SCHIP1: variants seen among roughly 807,000 people sequenced by gnomAD.
The protein encoded by SCHIP1 is schwannomin-interacting protein 1.
SCHIP1 carries 8 observed loss-of-function variants against 29.7 expected under a neutral mutation model. The observed-to-expected ratio is 0.27, with a 90% CI of 0.16 to 0.49. SCHIP1 has a LOEUF of 0.49. Ranked by LOEUF, SCHIP1 falls within the 20% of genes least tolerant of loss-of-function variation. SCHIP1 has a pLI of 0.99. For synonymous variants in SCHIP1, 76 were observed against 94.9 expected (o/e 0.80, Z 1.16); for missense variants, 193 against 294.6 (o/e 0.66, Z 2.52).
At chr3:159,533,702 A>G in the SCHIP1 span, among the ~76,000 whole-genome samples, 1 of 152,152 alleles carries the variant, frequency 6.6e-6, no homozygotes, top group African/African-American at 2.4e-5. Context: ...TTCCAAGGAA[A>G]CATCCAAGAC....
chr3:159,508,209 C>T, the SCHIP1 span, among the ~76,000 whole-genome samples: 8 of 152,092 alleles, frequency 5.3e-5, no homozygotes, highest in Admixed American at 6.6e-5. Flanking sequence ...GTGTATGTGT[C>T]GAGGAATTTA....
the SCHIP1 span, among the ~76,000 whole-genome samples, chr3:159,793,175 C>A: frequency 6.6e-6 from 1 of 152,086 alleles, no homozygotes; most frequent in Non-Finnish European, 1.5e-5. Context: ...GAAATCGCAT[C>A]CCCCACCATA....
the SCHIP1 span, among the ~76,000 whole-genome samples, chr3:159,767,484 G>A: frequency 6.6e-6 from 1 of 152,182 alleles, no homozygotes; most frequent in African/African-American, 2.4e-5. Flanking sequence ...AAGGAGCCGT[G>A]TGGAAGAGAA....
the SCHIP1 span, among the ~76,000 whole-genome samples, chr3:159,684,171 C>G: frequency 6.6e-6 from 1 of 152,286 alleles, no homozygotes; most frequent in South Asian, 2.1e-4. Flanking sequence ...TTCTCTTGCT[C>G]TAAAGCAGCC....
the SCHIP1 span, among the ~76,000 whole-genome samples, chr3:159,742,677 T>A: frequency 1.3e-5 from 2 of 150,398 alleles, no homozygotes; most frequent in Admixed American, 1.3e-4. Context: ...TTCTTTTTCT[T>A]TTTTTTTTGA....
At chr3:159,430,006 G>A in the SCHIP1 span, among the ~76,000 whole-genome samples, 4 of 152,138 alleles carry the variant, frequency 2.6e-5, no homozygotes, top group African/African-American at 9.7e-5. Context: ...CTGAGCAAAG[G>A]TGACTAAAGT....
At chr3:159,505,922 C>A in the SCHIP1 span, among the ~76,000 whole-genome samples, 4 of 152,278 alleles carry the variant, frequency 2.6e-5, no homozygotes, top group Admixed American at 6.5e-5. Context: ...AATAGTGCCG[C>A]AATAAACATA....
chr3:159,790,459 C>T, the SCHIP1 span, among the ~76,000 whole-genome samples: 66 of 152,212 alleles, frequency 4.3e-4, no homozygotes, highest in African/African-American at 1.5e-3. Flanking sequence ...GAAAGGCGGG[C>T]GGATCACTTG....
At chr3:159,770,425 A>AATTTTTGT in the SCHIP1 span, among the ~76,000 whole-genome samples, 1 of 152,006 alleles carries the variant, frequency 6.6e-6, no homozygotes, top group African/African-American at 2.4e-5. Flanking sequence ...ATGCCTGGCT[A>AATTTTTGT]ATTTTTGTAT....
chr3:159,647,828 G>C, the SCHIP1 span, among the ~76,000 whole-genome samples: 1 of 152,136 alleles, frequency 6.6e-6, no homozygotes, highest in African/African-American at 2.4e-5. Context: ...GTTTCTTTGG[G>C]AAGCAGAAAA....
the SCHIP1 span, among the ~76,000 whole-genome samples, chr3:159,683,323 A>T: frequency 2.0e-5 from 3 of 152,160 alleles, no homozygotes; most frequent in Non-Finnish European, 4.4e-5. Context: ...AAGTGCTGGG[A>T]TAAAAACCTG....
At chr3:159,375,666 G>A in the SCHIP1 span, 10 of 251,316 alleles carry the variant, frequency 4.0e-5, no homozygotes, top group Non-Finnish European at 6.3e-5. Context: ...GAACCCGGGA[G>A]GCGGAGGTTG....
chr3:159,461,574 CT>C, the SCHIP1 span, among the ~76,000 whole-genome samples: 4 of 148,466 alleles, frequency 2.7e-5, no homozygotes, highest in Non-Finnish European at 4.5e-5. Context: ...ATACCAGACT[CT>C]TTTTTTTTTC....
At chr3:159,329,847 T>C in the SCHIP1 span, among the ~76,000 whole-genome samples, 3 of 151,716 alleles carry the variant, frequency 2.0e-5, no homozygotes, top group African/African-American at 7.3e-5. Flanking sequence ...GAAATAAAAG[T>C]GAAAGGCACA....
At chr3:159,758,344 T>G in the SCHIP1 span, among the ~76,000 whole-genome samples, 1 of 151,890 alleles carries the variant, frequency 6.6e-6, no homozygotes, top group Non-Finnish European at 1.5e-5. Flanking sequence ...GTAGAGGCGG[T>G]GTTTCACTAT....
At chr3:159,712,393 A>T in the SCHIP1 span, among the ~76,000 whole-genome samples, 1 of 152,204 alleles carries the variant, frequency 6.6e-6, no homozygotes, top group Non-Finnish European at 1.5e-5. Context: ...AAATTAATGG[A>T]TGGGCAGGCC....
the SCHIP1 span, among the ~76,000 whole-genome samples, chr3:159,659,412 G>A: frequency 6.6e-6 from 1 of 152,224 alleles, no homozygotes. Flanking sequence ...GAATCACTGG[G>A]ATAAGAATGA....
At chr3:159,321,322 C>T in the SCHIP1 span, among the ~76,000 whole-genome samples, 1 of 152,280 alleles carries the variant, frequency 6.6e-6, no homozygotes, top group African/African-American at 2.4e-5. Flanking sequence ...TCATTGCGTC[C>T]TCAACGAGAA....
the SCHIP1 span, among the ~76,000 whole-genome samples, chr3:159,443,045 A>G: frequency 6.6e-6 from 1 of 152,208 alleles, no homozygotes; most frequent in South Asian, 2.1e-4. Flanking sequence ...GCTTATCATG[A>G]ATAATATAGA....
Sources: allele counts gnomAD v4.1 joint callset (sites outside exome capture counted in the v4.1 genomes callset), GRCh38; gene constraint gnomAD v4.1.1; transcripts MANE v1.5; gene names NCBI Gene and HGNC (gene_info 2026-07-23, HGNC 2026-07-21).